Variants in POU2F1 observed in about 807,000 individuals in gnomAD.
POU2F1 encodes POU domain, class 2, transcription factor 1.
A neutral mutation model predicts 84.9 loss-of-function variants in POU2F1; 16 were observed. The ratio of observed to expected loss-of-function variants is 0.19; its 90% CI spans 0.13 to 0.29. The LOEUF (loss-of-function observed/expected upper bound fraction) is 0.29. Among genes scored for constraint, POU2F1 ranks in the 10% least tolerant of loss-of-function variants. The pLI is 1.00. For missense variants in POU2F1, 738 were observed against 942.6 expected (o/e 0.78, Z 2.84); for synonymous variants, 368 against 368.3 (o/e 1.00, Z 0.01).
chr1:167,300,148 G>C (rs750911785), intron 1 of POU2F1, among the ~76,000 whole-genome samples: 1 of 152,188 alleles, frequency 6.6e-6, no homozygotes, highest in African/African-American at 2.4e-5. Flanking sequence ...TACCCTAAGC[G>C]AGTTATTGCA....
chr1:167,230,884 G>A (rs1649016805), intron 1 of POU2F1, among the ~76,000 whole-genome samples: 1 of 152,162 alleles, frequency 6.6e-6, no homozygotes, highest in Non-Finnish European at 1.5e-5. Flanking sequence ...ACCATGGGGT[G>A]ACCCATGGAA....
intron 8 of POU2F1, among the ~76,000 whole-genome samples, chr1:167,384,433 G>A (rs1290762465): frequency 1.3e-5 from 2 of 152,104 alleles, no homozygotes; most frequent in East Asian, 3.9e-4. Context: ...GACATATAAA[G>A]GTTTAAATTA....
At chr1:167,258,255 TTTC>T (rs1423762814) in intron 1 of POU2F1, among the ~76,000 whole-genome samples, 2 of 152,190 alleles carry the variant, frequency 1.3e-5, no homozygotes, top group African/African-American at 4.8e-5. Context: ...TTTTCTACTG[TTTC>T]TTATAGCTTG....
intron 1 of POU2F1, among the ~76,000 whole-genome samples, chr1:167,231,896 T>C (rs1293527401): frequency 6.6e-6 from 1 of 152,184 alleles, no homozygotes; most frequent in Non-Finnish European, 1.5e-5. Context: ...GAAAATGTTC[T>C]GAGCAAAGGG....
At chr1:167,362,789 C>G (rs943989589) in intron 2 of POU2F1, among the ~76,000 whole-genome samples, 1 of 152,128 alleles carries the variant, frequency 6.6e-6, no homozygotes, top group Non-Finnish European at 1.5e-5. Context: ...GGGGTCGTCT[C>G]TAGTTGCCCA....
At chr1:167,388,298 T>C (rs1648134131) in intron 8 of POU2F1, among the ~76,000 whole-genome samples, 1 of 152,198 alleles carries the variant, frequency 6.6e-6, no homozygotes, top group Non-Finnish European at 1.5e-5. Flanking sequence ...ACTTCTTGAA[T>C]TAGCAAAACA....
chr1:167,256,919 T>C (rs527999630), intron 1 of POU2F1, among the ~76,000 whole-genome samples: 3 of 152,306 alleles, frequency 2.0e-5, no homozygotes, highest in South Asian at 2.1e-4. Flanking sequence ...GAGATACTTA[T>C]AAAGCAGTAA....
intron 1 of POU2F1, among the ~76,000 whole-genome samples, chr1:167,242,828 G>T (rs985525643): frequency 6.6e-6 from 1 of 152,108 alleles, no homozygotes; most frequent in Non-Finnish European, 1.5e-5. Flanking sequence ...CTCCTTTTGC[G>T]TAGGATAAAT....
intron 1 of POU2F1, among the ~76,000 whole-genome samples, chr1:167,304,600 G>A (rs1179131977): frequency 6.6e-6 from 1 of 152,128 alleles, no homozygotes; most frequent in Non-Finnish European, 1.5e-5. Flanking sequence ...GAGAGGTGAG[G>A]TAGTGTTGAG....
intron 13 of POU2F1, among the ~76,000 whole-genome samples, chr1:167,405,098 C>T (rs1649477691): frequency 6.6e-6 from 1 of 152,110 alleles, no homozygotes; most frequent in Non-Finnish European, 1.5e-5. Flanking sequence ...TGCCATACTC[C>T]TCCAGAAAGA....
intron 1 of POU2F1, among the ~76,000 whole-genome samples, chr1:167,302,251 T>A (rs1469445140): frequency 6.7e-6 from 1 of 149,990 alleles, no homozygotes; most frequent in African/African-American, 2.5e-5. Context: ...ACCCGGCTAA[T>A]TTTTTTTTTC....
chr1:167,290,396 CA>C (rs34458907), intron 1 of POU2F1, among the ~76,000 whole-genome samples: 1,841 of 151,586 alleles, frequency 0.012, 14 homozygotes, highest in South Asian at 0.027. Flanking sequence ...GGCCCTGTCT[CA>C]AAAAAAAGTG....
At chr1:167,309,362 G>T (rs1655301306) in intron 1 of POU2F1, among the ~76,000 whole-genome samples, 1 of 152,126 alleles carries the variant, frequency 6.6e-6, no homozygotes, top group Non-Finnish European at 1.5e-5. Flanking sequence ...GTATTAGAGA[G>T]TTGATTCTAG....
chr1:167,221,309 G>A (rs1648135001), intron 1 of POU2F1, among the ~76,000 whole-genome samples: 1 of 150,782 alleles, frequency 6.6e-6, no homozygotes, highest in Admixed American at 6.6e-5. Flanking sequence ...AACCCGAGCG[G>A]GTCCGCGGCG....
At chr1:167,377,869 G>A (rs1660433600) in intron 7 of POU2F1, among the ~76,000 whole-genome samples, 1 of 151,988 alleles carries the variant, frequency 6.6e-6, no homozygotes, top group Non-Finnish European at 1.5e-5. Context: ...CCTTCTTTGT[G>A]TACATATGTA....
chr1:167,253,376 G>GC (rs57789204), intron 1 of POU2F1, among the ~76,000 whole-genome samples: 4,139 of 119,100 alleles, frequency 0.035, 378 homozygotes, highest in African/African-American at 0.077. Context: ...TTATTTTTCT[G>GC]CCCCCCCCCC....
At chr1:167,324,492 C>T (rs1433808337) in intron 1 of POU2F1, among the ~76,000 whole-genome samples, 7 of 152,108 alleles carry the variant, frequency 4.6e-5, no homozygotes, top group Non-Finnish European at 1.5e-5. Context: ...TATTTATATG[C>T]TTTGGGTTAA....
intron 2 of POU2F1, among the ~76,000 whole-genome samples, chr1:167,347,987 C>G (rs1658308405): frequency 6.6e-6 from 1 of 152,120 alleles, no homozygotes; most frequent in African/African-American, 2.4e-5. Flanking sequence ...GTGAATAATG[C>G]TGCTGTGAAC....
In POU2F1 at chr1:167,416,220, C is replaced by T; in HGVS notation, c.*410C>T. On this transcript the variant is annotated 3_prime_UTR_variant, in exon 16 of 16. Transcript: ENST00000367866. The stretch of plus-strand genomic sequence containing the variant: ...CAATTCCAATATAGGAAGGGGATTT[C>T]TTGTTTGTCTAAATTTCTTTTTTTC... 1 of 285,934 alleles carries T rather than the reference C, an allele frequency of 3.5e-6. No individual in the cohort carries two copies. The allele number at this position is 285,934 out of a possible 1,614,324, so 17.7% of individuals were successfully genotyped here. A position where few individuals can be genotyped will look rare whatever the true frequency, so the allele number is the denominator to read the frequency against.
Sources: gnomAD v4.1 joint callset for allele counts (sites outside exome capture counted in the v4.1 genomes callset) on GRCh38, gnomAD v4.1.1 for gene constraint, MANE v1.5 for transcripts, NCBI Gene and HGNC (gene_info 2026-07-23, HGNC 2026-07-21) for gene names.